The following ADARB2 variants were observed in gnomAD, a reference collection of about 807,000 sequenced individuals.
ADARB2 encodes adenosine deaminase RNA specific B2 (inactive).
Under a neutral mutation model 62.2 loss-of-function variants are expected in ADARB2, and 25 were observed. The ratio of observed to expected loss-of-function variants is 0.40; its 90% CI spans 0.29 to 0.56. The LOEUF (loss-of-function observed/expected upper bound fraction) is 0.56. Among genes scored for constraint, ADARB2 ranks in the 20% least tolerant of loss-of-function variants. The pLI, the probability that ADARB2 is intolerant of heterozygous loss-of-function variation, is 0.43. For missense variants in ADARB2, 1,071 were observed against 1,077.4 expected (o/e 0.99, Z 0.08); for synonymous variants, 572 against 500.8 (o/e 1.14, Z -1.90).
intron 1 of ADARB2, among the ~76,000 whole-genome samples, chr10:1,706,737 A>G (rs1834894399): frequency 6.6e-6 from 1 of 152,206 alleles, no homozygotes; most frequent in Admixed American, 6.5e-5. Context: ...GTGTGAAGTC[A>G]AAAATCTTAC....
intron 1 of ADARB2, among the ~76,000 whole-genome samples, chr10:1,616,442 G>T (rs973323443): frequency 6.6e-6 from 1 of 151,768 alleles, no homozygotes; most frequent in African/African-American, 2.4e-5. Flanking sequence ...GCATTCTGTC[G>T]CTAGATGTTT....
At chr10:1,631,357 G>C (rs17156673) in intron 1 of ADARB2, among the ~76,000 whole-genome samples, 3,216 of 152,170 alleles carry the variant, frequency 0.021, 71 homozygotes, top group African/African-American at 0.048. Flanking sequence ...AGCCAGCGGG[G>C]ACCTGACAAA....
intron 1 of ADARB2, among the ~76,000 whole-genome samples, chr10:1,685,170 G>A (rs527925585): frequency 2.0e-5 from 3 of 152,298 alleles, no homozygotes; most frequent in Admixed American, 6.5e-5. Context: ...CCAGCAGCCC[G>A]GGGTGCGAGC....
intron 6 of ADARB2, among the ~76,000 whole-genome samples, chr10:1,220,391 A>G (rs1830683675): frequency 6.6e-6 from 1 of 150,788 alleles, no homozygotes; most frequent in African/African-American, 2.4e-5. Context: ...GGTGGTGATG[A>G]TGGTGATTGT....
intron 4 of ADARB2, among the ~76,000 whole-genome samples, chr10:1,244,329 G>T (rs982939180): frequency 6.6e-6 from 1 of 152,260 alleles, no homozygotes; most frequent in Non-Finnish European, 1.5e-5. Flanking sequence ...CATTGATAAC[G>T]ATTCCTAACC....
chr10:1,265,108 T>C (rs896890057), intron 4 of ADARB2, among the ~76,000 whole-genome samples: 1 of 152,242 alleles, frequency 6.6e-6, no homozygotes, highest in Non-Finnish European at 1.5e-5. Context: ...TAAAGGACCA[T>C]CAGCTCTACA....
chr10:1,649,898 G>A (rs7895908), intron 1 of ADARB2, among the ~76,000 whole-genome samples: 71,458 of 152,016 alleles, frequency 0.47, 17,008 homozygotes, highest in South Asian at 0.53. Flanking sequence ...TACCTGAGAC[G>A]ATTTCTGAAA....
chr10:1,486,359 AT>A (rs1831542782), intron 1 of ADARB2, among the ~76,000 whole-genome samples: 1 of 152,180 alleles, frequency 6.6e-6, no homozygotes, highest in Admixed American at 6.5e-5. Flanking sequence ...TAAATTCCAG[AT>A]CATTAATATA....
chr10:1,406,607 T>A (rs932630469), intron 1 of ADARB2, among the ~76,000 whole-genome samples: 4 of 152,210 alleles, frequency 2.6e-5, no homozygotes, highest in African/African-American at 4.8e-5. Context: ...CCAGACAATT[T>A]AATTTTGGGC....
rs1005176534 is a variant in ADARB2, at chr10:1,232,142, TACACCACAC to T, written c.1513+1543_1513+1551del. 7.2e-5 allele frequency among the ~76,000 whole-genome samples: 11 copies of T among 151,966 alleles called. 1 individual carries two copies. The South Asian group carries it at 1.2e-3, about 17-fold the overall frequency. ...GACTCCTCATCATACACATATCACA[TACACCACAC>T]ACACCACACACATAGCACACACACC... On this transcript the variant is annotated intron_variant, in intron 6 of 9. Coordinates refer to ENST00000381312, the MANE Select transcript of ADARB2 (RefSeq NM_018702.4).
chr10:1,424,015 T>G (rs1480811401), intron 1 of ADARB2, among the ~76,000 whole-genome samples: 1 of 152,192 alleles, frequency 6.6e-6, no homozygotes, highest in African/African-American at 2.4e-5. Flanking sequence ...AGGTCTACTA[T>G]GTATGCAGTA....
chr10:1,727,386 T>A (rs1054028850), intron 1 of ADARB2, among the ~76,000 whole-genome samples: 3 of 152,216 alleles, frequency 2.0e-5, no homozygotes, highest in Non-Finnish European at 4.4e-5. Flanking sequence ...TACTCCACGC[T>A]GAGTGCTGCC....
At chr10:1,687,984 G>A (rs1037882230) in intron 1 of ADARB2, among the ~76,000 whole-genome samples, 4 of 152,236 alleles carry the variant, frequency 2.6e-5, no homozygotes, top group Non-Finnish European at 5.9e-5. Flanking sequence ...AAGGCTCTGA[G>A]CAGATGGCAC....
At chr10:1,564,051 T>C (rs1293081930) in intron 1 of ADARB2, among the ~76,000 whole-genome samples, 1 of 151,642 alleles carries the variant, frequency 6.6e-6, no homozygotes, top group African/African-American at 2.4e-5. Flanking sequence ...TTGGGTTGGT[T>C]CCAAGTCTTT....
chr10:1,256,772 T>C (rs1300733513), intron 4 of ADARB2, among the ~76,000 whole-genome samples: 1 of 152,118 alleles, frequency 6.6e-6, no homozygotes, highest in Non-Finnish European at 1.5e-5. Context: ...CAACAAACGC[T>C]TTGCAATTAA....
intron 3 of ADARB2, among the ~76,000 whole-genome samples, chr10:1,342,438 G>A (rs2805533): frequency 0.53 from 80,400 of 152,014 alleles, 22,056 homozygotes; most frequent in East Asian, 0.7. Context: ...AACATTCAGG[G>A]AACAGTGACT....
At chr10:1,404,029 G>C (rs1334419990) in intron 1 of ADARB2, among the ~76,000 whole-genome samples, 1 of 152,224 alleles carries the variant, frequency 6.6e-6, no homozygotes, top group East Asian at 1.9e-4. Flanking sequence ...CAGCAAGCCA[G>C]GGTCAGGGGC....
intron 1 of ADARB2, among the ~76,000 whole-genome samples, chr10:1,720,020 G>A (rs1223393848): frequency 6.6e-6 from 1 of 152,160 alleles, no homozygotes; most frequent in Non-Finnish European, 1.5e-5. Flanking sequence ...CACATTCCTG[G>A]GGGTATACCC....
intron 5 of ADARB2, among the ~76,000 whole-genome samples, chr10:1,241,375 T>C (rs1830921072): frequency 6.6e-6 from 1 of 152,198 alleles, no homozygotes; most frequent in South Asian, 2.1e-4. Context: ...GGCATGGAGA[T>C]GACCCTTGCC....
Sources: allele counts gnomAD v4.1 joint callset (sites outside exome capture counted in the v4.1 genomes callset), GRCh38; gene constraint gnomAD v4.1.1; transcripts MANE v1.5; gene names NCBI Gene and HGNC (gene_info 2026-07-23, HGNC 2026-07-21).